FAM171A1: variants seen among roughly 807,000 people sequenced by gnomAD.
FAM171A1 encodes protein FAM171A1.
In FAM171A1, 23 loss-of-function variants were observed where a neutral mutation model predicts 74.9. That is an observed-to-expected ratio of 0.31 (90% confidence interval 0.22 to 0.44). The LOEUF is 0.44. Among genes scored for constraint, FAM171A1 ranks in the 20% least tolerant of loss-of-function variants. The pLI is 1.00. For missense variants in FAM171A1, 1,162 were observed against 1,159.2 expected, an observed-to-expected ratio of 1.00 and a Z score of -0.03; for synonymous variants, 527 against 505.7, an observed-to-expected ratio of 1.04 and a Z score of -0.57.
intron 5 of FAM171A1, among the ~76,000 whole-genome samples, chr10:15,225,042 G>A (rs1266136021): frequency 6.6e-6 from 1 of 152,176 alleles, no homozygotes. Flanking sequence ...CCGTGTCTTG[G>A]CACATCCTGG....
At chr10:15,328,143 GT>G (rs1835580422) in intron 1 of FAM171A1, among the ~76,000 whole-genome samples, 1 of 151,458 alleles carries the variant, frequency 6.6e-6, no homozygotes, top group Admixed American at 6.6e-5. Context: ...TTAAATGACT[GT>G]TTTTTAAAAT....
intron 5 of FAM171A1, among the ~76,000 whole-genome samples, chr10:15,233,345 CT>C (rs1345682365): frequency 6.6e-6 from 1 of 152,000 alleles, no homozygotes; most frequent in Non-Finnish European, 1.5e-5. Context: ...CCTAAAGGAT[CT>C]AAGTTGTGAT....
chr10:15,360,469 A>G (rs1344200260), intron 1 of FAM171A1, among the ~76,000 whole-genome samples: 4 of 152,236 alleles, frequency 2.6e-5, no homozygotes, highest in African/African-American at 4.8e-5. Context: ...GAATTGAACC[A>G]TCTTTCACAA....
At chr10:15,251,574 T>G (rs1021211353) in intron 4 of FAM171A1, among the ~76,000 whole-genome samples, 2 of 151,808 alleles carry the variant, frequency 1.3e-5, no homozygotes, top group African/African-American at 4.8e-5. Flanking sequence ...TGCTAATTTT[T>G]TTTTCTTTGT....
At chr10:15,231,918 C>A (rs928954240) in intron 5 of FAM171A1, among the ~76,000 whole-genome samples, 1 of 151,946 alleles carries the variant, frequency 6.6e-6, no homozygotes, top group African/African-American at 2.4e-5. Flanking sequence ...GACCACATCT[C>A]TACAAAAAAT....
At chr10:15,263,092 G>A (rs1175531276) in intron 3 of FAM171A1, among the ~76,000 whole-genome samples, 1 of 152,208 alleles carries the variant, frequency 6.6e-6, no homozygotes, top group South Asian at 2.1e-4. Flanking sequence ...GCCAAGCAGA[G>A]GATGGAGACC....
intron 5 of FAM171A1, among the ~76,000 whole-genome samples, chr10:15,234,874 G>C (rs1834262843): frequency 1.3e-5 from 2 of 152,028 alleles, no homozygotes; most frequent in Non-Finnish European, 2.9e-5. Context: ...GTGTTAGCCA[G>C]GATGGTCTCG....
intron 1 of FAM171A1, among the ~76,000 whole-genome samples, chr10:15,362,323 T>C (rs1317331463): frequency 6.6e-6 from 1 of 152,256 alleles, no homozygotes. Flanking sequence ...TTGCAACTTT[T>C]AGGAATCCTG....
Position 15,236,163 on chromosome 10 carries a change from C to A in FAM171A1, c.754+12476G>T, listed in dbSNP as rs193293872. On this transcript the variant is annotated intron_variant, in intron 5 of 7. Coordinates refer to ENST00000378116, the MANE Select transcript of FAM171A1 (RefSeq NM_001010924.2). ...TATGGAACAGCTGGTCAGGTATGGG[C>A]CCCGACCAATCAGACTGGATGGCAG... 2.6e-5 allele frequency among the ~76,000 whole-genome samples: 4 copies of A among 152,182 alleles called. 1 individual carries two copies. Among genetic ancestry groups the A allele is most frequent in the African/African-American group, 7.2e-5 (3 of 41,508 alleles).
intron 1 of FAM171A1, among the ~76,000 whole-genome samples, chr10:15,301,363 T>TATA (rs386361679): frequency 4.5e-3 from 544 of 119,722 alleles, no homozygotes; most frequent in East Asian, 0.012. Context: ...TATATATATA[T>TATA]TTTTTTTTTT....
chr10:15,219,231 G>A (rs1834005444), intron 6 of FAM171A1, among the ~76,000 whole-genome samples: 2 of 152,074 alleles, frequency 1.3e-5, no homozygotes, highest in Non-Finnish European at 2.9e-5. Context: ...GCCATGAGCT[G>A]AGATCATGCC....
chr10:15,328,443 G>A (rs909110098), intron 1 of FAM171A1, among the ~76,000 whole-genome samples: 26 of 152,178 alleles, frequency 1.7e-4, no homozygotes, highest in African/African-American at 6.3e-4. Flanking sequence ...CACGGCGCCT[G>A]GCCTGTTGTT....
chr10:15,341,478 C>T (rs1201826736), intron 1 of FAM171A1, among the ~76,000 whole-genome samples: 1 of 152,166 alleles, frequency 6.6e-6, no homozygotes, highest in African/African-American at 2.4e-5. Flanking sequence ...CAATTGCTGG[C>T]AATAGCCACT....
chr10:15,344,276 CTG>C (rs1835796088), intron 1 of FAM171A1, among the ~76,000 whole-genome samples: 1 of 152,208 alleles, frequency 6.6e-6, no homozygotes, highest in Non-Finnish European at 1.5e-5. Flanking sequence ...GAGCGAAAAA[CTG>C]TTAATCCCAG....
intron 5 of FAM171A1, among the ~76,000 whole-genome samples, chr10:15,236,610 G>A (rs1276972324): frequency 1.3e-5 from 2 of 152,186 alleles, no homozygotes; most frequent in African/African-American, 4.8e-5. Context: ...GCTATCAGCT[G>A]TGTCTCATCC....
At chr10:15,369,933 G>T (rs1479547586) in intron 1 of FAM171A1, among the ~76,000 whole-genome samples, 1 of 152,206 alleles carries the variant, frequency 6.6e-6, no homozygotes, top group Admixed American at 6.5e-5. Context: ...CTGAGCCCCC[G>T]GCAAGAGTCC....
chr10:15,328,944 T>C (rs1241680582), intron 1 of FAM171A1, among the ~76,000 whole-genome samples: 2 of 152,098 alleles, frequency 1.3e-5, no homozygotes, highest in African/African-American at 4.8e-5. Context: ...AACAACTCTG[T>C]AAAGAGGGAA....
At chr10:15,221,120 A>T in intron 5 of FAM171A1, 60 bp from the exon 6 acceptor site, 1 of 1,390,926 alleles carries the variant, frequency 7.2e-7, no homozygotes, top group South Asian at 1.2e-5. Context: ...GTAAGGCTTG[A>T]GCATATTGTA....
At chr10:15,294,019 T>C (rs1223828097) in intron 1 of FAM171A1, among the ~76,000 whole-genome samples, 2 of 152,160 alleles carry the variant, frequency 1.3e-5, no homozygotes, top group Non-Finnish European at 2.9e-5. Flanking sequence ...GTCAGCAGCA[T>C]GAAGAAGCAG....
Sources: allele counts gnomAD v4.1 joint callset (sites outside exome capture counted in the v4.1 genomes callset), GRCh38; gene constraint gnomAD v4.1.1; transcripts MANE v1.5; gene names NCBI Gene and HGNC (gene_info 2026-07-23, HGNC 2026-07-21).